CATSPERZ: variants seen among roughly 807,000 people sequenced by gnomAD.
The protein encoded by CATSPERZ is cation channel sperm-associated auxiliary subunit zeta.
Under a neutral mutation model 21.7 loss-of-function variants are expected in CATSPERZ, and 21 were observed. The observed-to-expected ratio is 0.97, with a 90% CI of 0.69 to 1.39. CATSPERZ has a LOEUF of 1.39. CATSPERZ is among the 40% of genes most tolerant of loss of function. The pLI, the probability that CATSPERZ is intolerant of heterozygous loss-of-function variation, is 0.00. For synonymous variants in CATSPERZ, 127 were observed against 108.7 expected (o/e 1.17, Z -1.05); for missense variants, 234 against 259.5 (o/e 0.90, Z 0.68).
At chr11:64,301,823 A>G (rs1303743975) in intron 2 of CATSPERZ, among the ~76,000 whole-genome samples, 1 of 152,072 alleles carries the variant, frequency 6.6e-6, no homozygotes, top group Non-Finnish European at 1.5e-5. Context: ...ACAGGCCGGC[A>G]CCATCCTGCT....
Position 64,304,680 on chromosome 11 carries a change from C to A in CATSPERZ, c.*34C>A. ...CCTTGGGCTCGAGCAGCGACCCGAA[C>A]CAGCCCCGTGCCAGCCCGGTCCCCA... On this transcript the variant is annotated 3_prime_UTR_variant, in exon 5 of 5. Coordinates refer to ENST00000328404, the MANE Select transcript of CATSPERZ (RefSeq NM_001039496.2). The A allele has an allele frequency of 6.5e-7, 1 of 1,537,636 alleles. No homozygotes were observed. The highest frequency in any genetic ancestry group is 8.8e-7 in the Non-Finnish European group (1 of 1,135,370).
rs553420226 is a variant in CATSPERZ at position 64,304,540 on chromosome 11, T to A, written c.500-3T>A. 1.3e-6 allele frequency: 2 copies of A among 1,577,886 alleles called. No homozygotes were observed. Among genetic ancestry groups the A allele is most frequent in the East Asian group, 4.7e-5 (2 of 42,744 alleles). On this transcript the variant is annotated splice_polypyrimidine_tract_variant and splice_region_variant and intron_variant, in intron 4 of 4. Transcript: ENST00000328404. The stretch of plus-strand genomic sequence containing the variant: ...CCTGAGCCGAGCTCTGCCCTCCTCC[T>A]AGGCTACCAGTTAGGGATCGGCAGG...
chr11:64,300,884 G>A lies in CATSPERZ; in HGVS notation c.249G>A (p.Pro83=). 6.4e-7 allele frequency: 1 copy of A among 1,570,434 alleles called. No individual in the cohort carries two copies. Among genetic ancestry groups the A allele is most frequent in the Non-Finnish European group, 8.6e-7 (1 of 1,158,926 alleles). The change falls in exon 2 of 5, where the codon CCG becomes CCA. Residue 83 remains proline (P), a synonymous_variant. Coordinates refer to ENST00000328404, the MANE Select transcript of CATSPERZ (RefSeq NM_001039496.2). ...AGGGGTACAAGGCCAGCCACAAGCC[G>A]GAGGAACTGGACGAGCACGCGCTGG... ...LDEGYKASHK[P]EELDEHALVE... is the part of the protein sequence containing the mutation.
intron 2 of CATSPERZ, among the ~76,000 whole-genome samples, chr11:64,301,922 C>T (rs1362099098): frequency 6.6e-6 from 1 of 152,202 alleles, no homozygotes; most frequent in Non-Finnish European, 1.5e-5. Context: ...CCTCCTGCTT[C>T]GGCTTCCCAA....
chr11:64,302,196 T>C lies in CATSPERZ; in HGVS notation c.352+1209T>C, dbSNP rs545466772. Among the ~76,000 whole-genome samples the C allele has an allele frequency of 8.3e-4, 126 of 152,386 alleles. 2 individuals are homozygous for C. The highest frequency in any genetic ancestry group is 2.8e-3 in the African/African-American group (116 of 41,596). On this transcript the variant is annotated intron_variant, in intron 2 of 4. Coordinates refer to ENST00000328404, the MANE Select transcript of CATSPERZ (RefSeq NM_001039496.2). ...CAATGGTTACATATTGAGCACTTGC[T>C]GTGTGCCAGGCACGGGGCTTCCCCT...
chr11:64,303,452 GATGACTA>G (rs773243182), intron 2 of CATSPERZ, 23 bp from the exon 3 acceptor site: 17 of 1,589,830 alleles, frequency 1.1e-5, no homozygotes, highest in Admixed American at 1.7e-5. Context: ...GGAGTCTGCG[GATGACTA>G]ACCCTTTTTT....
At position 64,304,538 on chromosome 11, in the gene CATSPERZ, C is replaced by T. The variant is rs369708415; in HGVS notation, c.500-5C>T. On this transcript the variant is annotated splice_polypyrimidine_tract_variant and splice_region_variant and intron_variant, in intron 4 of 4. Coordinates refer to ENST00000328404, the MANE Select transcript of CATSPERZ (RefSeq NM_001039496.2). Reference sequence around the variant, plus strand: ...GCCCTGAGCCGAGCTCTGCCCTCCTCCTAGGCTACCAGTTAGGGATCGGCA... The same window carrying T: ...GCCCTGAGCCGAGCTCTGCCCTCCTTCTAGGCTACCAGTTAGGGATCGGCA... 1.3e-6 allele frequency: 2 copies of T among 1,576,000 alleles called. No individual in the cohort carries two copies. The highest frequency in any genetic ancestry group is 8.6e-7 in the Non-Finnish European group (1 of 1,161,832).
At chr11:64,300,561 A>C in intron 1 of CATSPERZ, 96 bp from the exon 2 acceptor site, 62 of 1,468,318 alleles carry the variant, frequency 4.2e-5, no homozygotes, top group Middle Eastern at 1.8e-4. Context: ...GTTCTACGGG[A>C]TCCCCAACCC....
chr11:64,300,578 G>A, intron 1 of CATSPERZ, 79 bp from the exon 2 acceptor site: 1 of 1,518,692 alleles, frequency 6.6e-7, no homozygotes. Context: ...ACCCGGCCCG[G>A]CTCAGTTCCC....
Position 64,300,888 on chromosome 11 carries a change from G to A in CATSPERZ, c.253G>A (p.Glu85Lys), listed in dbSNP as rs374325757. The change falls in exon 2 of 5, where the codon GAA becomes AAA. Residue 85 changes from glutamate to lysine, a missense_variant. Physicochemically the swap from Glu to Lys is moderately conservative, Grantham distance 56. Coordinates refer to ENST00000328404, the MANE Select transcript of CATSPERZ (RefSeq NM_001039496.2). ...GTACAAGGCCAGCCACAAGCCGGAG[G>A]AACTGGACGAGCACGCGCTGGTGGA... ...EGYKASHKPE[E>K]LDEHALVELE... The A allele has an allele frequency of 3.2e-6, 5 of 1,572,266 alleles. No homozygotes were observed. Among genetic ancestry groups the A allele is most frequent in the Non-Finnish European group, 4.3e-6 (5 of 1,159,932 alleles).
chr11:64,301,738 C>G (rs919777459), intron 2 of CATSPERZ, among the ~76,000 whole-genome samples: 22 of 152,060 alleles, frequency 1.4e-4, no homozygotes, highest in Non-Finnish European at 2.4e-4. Context: ...GTGATCATAG[C>G]TCACTACAGC....
At chr11:64,301,605 C>A (rs530021763) in intron 2 of CATSPERZ, among the ~76,000 whole-genome samples, 1 of 152,136 alleles carries the variant, frequency 6.6e-6, no homozygotes, top group Non-Finnish European at 1.5e-5. Context: ...AACTCCTGAC[C>A]TCAAGTGATC....
At chr11:64,301,401 C>CCT (rs753759790) in intron 2 of CATSPERZ, among the ~76,000 whole-genome samples, 13 of 99,548 alleles carry the variant, frequency 1.3e-4, no homozygotes, top group South Asian at 3.4e-4. Context: ...CCGCCTCCCA[C>CCT]TTTTTTTTTT....
intron 2 of CATSPERZ, 21 bp from the exon 3 acceptor site, chr11:64,303,461 C>T (rs375255455): frequency 2.3e-5 from 37 of 1,604,030 alleles, no homozygotes; most frequent in Non-Finnish European, 3.1e-5. Context: ...GGATGACTAA[C>T]CCTTTTTTCT....
In CATSPERZ at chr11:64,300,438, C is replaced by T. The variant is rs1786738715; in HGVS notation, c.21+7C>T. The T allele has an allele frequency of 6.6e-7, 1 of 1,509,050 alleles. No homozygotes were observed. Among genetic ancestry groups the T allele is most frequent in the Admixed American group, 1.8e-5 (1 of 56,526 alleles). The allele number at this position is 1,509,050 out of a possible 1,614,324, so 93.5% of individuals were successfully genotyped here. A position where few individuals can be genotyped will look rare whatever the true frequency, so the allele number is the denominator to read the frequency against. Reference sequence around the variant, plus strand: ...GGAGGAAAAGCCTTCGAAAGTAAGACGTCTCCCTAGGCCCCTTACCCTGTC... The same window carrying T: ...GGAGGAAAAGCCTTCGAAAGTAAGATGTCTCCCTAGGCCCCTTACCCTGTC... On this transcript the variant is annotated splice_region_variant and intron_variant, in intron 1 of 4. Coordinates refer to ENST00000328404, the MANE Select transcript of CATSPERZ (RefSeq NM_001039496.2).
chr11:64,302,883 GTTC>G (rs2034948980), intron 2 of CATSPERZ, among the ~76,000 whole-genome samples: 1 of 93,282 alleles, frequency 1.1e-5, no homozygotes, highest in African/African-American at 3.7e-5. Context: ...GCCAAGAGCT[GTTC>G]TTTTTTTTTT....
chr11:64,301,859 G>T (rs2034932733), intron 2 of CATSPERZ, among the ~76,000 whole-genome samples: 1 of 151,990 alleles, frequency 6.6e-6, no homozygotes, highest in Non-Finnish European at 1.5e-5. Flanking sequence ...TTTTTGTAGA[G>T]AAAATTTCGA....
At chr11:64,304,483 C>T (rs925966255) in intron 4 of CATSPERZ, 60 bp from the exon 5 acceptor site, 2 of 1,358,004 alleles carry the variant, frequency 1.5e-6, no homozygotes, top group Middle Eastern at 2.4e-4. Context: ...TGCGGCGCCC[C>T]CTGGTGGGGA....
In CATSPERZ at chr11:64,300,891, C is replaced by A; in HGVS notation, c.256C>A (p.Leu86Met). The part of the protein sequence containing the change: ...GYKASHKPEE[L>M]DEHALVELEL... ...CAAGGCCAGCCACAAGCCGGAGGAA[C>A]TGGACGAGCACGCGCTGGTGGAGCT... Residue 86 changes from leucine (L) to methionine (M), a missense_variant, in exon 2 of 5, where the codon CTG (leucine) becomes ATG (methionine). Physicochemically the swap from Leu to Met is conservative, Grantham distance 15. Coordinates refer to ENST00000328404, the MANE Select transcript of CATSPERZ (RefSeq NM_001039496.2). 6.4e-7 allele frequency: 1 copy of A among 1,573,704 alleles called. No homozygotes were observed. Among genetic ancestry groups the A allele is most frequent in the South Asian group, 1.2e-5 (1 of 85,522 alleles).
Sources: allele counts gnomAD v4.1 joint callset (sites outside exome capture counted in the v4.1 genomes callset), GRCh38; gene constraint gnomAD v4.1.1; transcripts MANE v1.5; gene names NCBI Gene and HGNC (gene_info 2026-07-23, HGNC 2026-07-21).